The following GPC5 variants were observed in gnomAD, a reference collection of about 807,000 sequenced individuals.
GPC5 encodes the protein glypican-5.
GPC5 carries 47 observed loss-of-function variants against 53.9 expected under a neutral mutation model. That is an observed-to-expected ratio of 0.87 (90% CI 0.69 to 1.11). GPC5 has a LOEUF of 1.11. Ranked by LOEUF, GPC5 falls within the 50% of genes most tolerant of loss-of-function variation. The probability of loss-of-function intolerance (pLI) is 0.00; values close to 1 mark genes in which losing one functional copy is unlikely to be tolerated. For synonymous variants in GPC5, 286 were observed against 263.3 expected, an observed-to-expected ratio of 1.09 and a Z score of -0.84; for missense variants, 748 against 713.1, an observed-to-expected ratio of 1.05 and a Z score of -0.56.
intron 2 of GPC5, among the ~76,000 whole-genome samples, chr13:91,574,577 A>G (rs2032064167): frequency 1.3e-5 from 2 of 152,152 alleles, no homozygotes; most frequent in Non-Finnish European, 2.9e-5. Flanking sequence ...GTCCATTTGT[A>G]TATCAGAAAT....
chr13:92,621,434 T>C (rs1041740262), intron 7 of GPC5, among the ~76,000 whole-genome samples: 10 of 152,194 alleles, frequency 6.6e-5, no homozygotes, highest in Admixed American at 4.6e-4. Flanking sequence ...AATTCAACCA[T>C]ATTTTTTCTG....
chr13:91,660,874 T>TA (rs1185196497), intron 2 of GPC5, among the ~76,000 whole-genome samples: 1 of 152,184 alleles, frequency 6.6e-6, no homozygotes, highest in Non-Finnish European at 1.5e-5. Flanking sequence ...ACCCACTGGC[T>TA]AAAAAAATCT....
At chr13:92,122,926 T>TC (rs1469138611) in intron 6 of GPC5, among the ~76,000 whole-genome samples, 1 of 152,100 alleles carries the variant, frequency 6.6e-6, no homozygotes, top group African/African-American at 2.4e-5. Flanking sequence ...TTACTATTTT[T>TC]CACACTAAAC....
chr13:92,820,905 G>C (rs546529544), intron 7 of GPC5, among the ~76,000 whole-genome samples: 1 of 152,088 alleles, frequency 6.6e-6, no homozygotes, highest in Non-Finnish European at 1.5e-5. Flanking sequence ...TGAGGAGTCT[G>C]AAAAACAGTG....
intron 6 of GPC5, among the ~76,000 whole-genome samples, chr13:92,099,026 A>G (rs1445089747): frequency 6.6e-6 from 1 of 150,544 alleles, no homozygotes; most frequent in Non-Finnish European, 1.5e-5. Flanking sequence ...ACAATCCTGG[A>G]GATCATTCTT....
chr13:91,615,808 A>G (rs910994188), intron 2 of GPC5, among the ~76,000 whole-genome samples: 1 of 152,198 alleles, frequency 6.6e-6, no homozygotes, highest in Non-Finnish European at 1.5e-5. Context: ...AGAAAGAAAT[A>G]TCAATGATAA....
chr13:92,732,369 C>T (rs1415738252), intron 7 of GPC5, among the ~76,000 whole-genome samples: 1 of 151,470 alleles, frequency 6.6e-6, no homozygotes, highest in Non-Finnish European at 1.5e-5. Flanking sequence ...CCTTTGAACA[C>T]CAAATATTTT....
At chr13:92,581,700 C>T (rs2139054195) in intron 7 of GPC5, among the ~76,000 whole-genome samples, 1 of 152,242 alleles carries the variant, frequency 6.6e-6, no homozygotes. Context: ...AAAGTTTCCC[C>T]TTTCTTCACA....
intron 7 of GPC5, among the ~76,000 whole-genome samples, chr13:92,424,389 T>C (rs766338469): frequency 2.0e-5 from 3 of 152,096 alleles, no homozygotes; most frequent in Non-Finnish European, 4.4e-5. Flanking sequence ...ATTTATTAAA[T>C]AGCTATGTAC....
chr13:92,790,319 G>C (rs979976123), intron 7 of GPC5, among the ~76,000 whole-genome samples: 1 of 152,096 alleles, frequency 6.6e-6, no homozygotes, highest in South Asian at 2.1e-4. Flanking sequence ...CAGGTTTCTA[G>C]GAGTCAAAAG....
Position 92,043,173 on chromosome 13 carries a change from G to T in GPC5, c.1402-101657G>T, listed in dbSNP as rs74477579. ...ATACATTTAATGAGCGTTACCAAAA[G>T]GAGAAAATAAAAATAGACAGAAAAA... On this transcript the variant is annotated intron_variant, in intron 6 of 7. Transcript: ENST00000377067. Among the ~76,000 whole-genome samples the T allele has an allele frequency of 3.8e-3, 585 of 152,176 alleles. 4 individuals are homozygous for T. Among genetic ancestry groups the T allele is most frequent in the Admixed American group, 0.013 (194 of 15,276 alleles).
At position 92,617,007 on chromosome 13, in the gene GPC5, G is replaced by A. The variant is rs777281482; in HGVS notation, c.1562-249275G>A. Among the ~76,000 whole-genome samples the A allele has an allele frequency of 1.1e-4, 16 of 151,970 alleles. 1 individual carries two copies. The highest frequency in any genetic ancestry group is 8.3e-4 in the South Asian group (4 of 4,792). On this transcript the variant is annotated intron_variant, in intron 7 of 7. Transcript: ENST00000377067. ...CTGATGTTTCATTATATTAAAAAGCGACCATTACTTCAAATGTTGTGGGAT... is the reference window on the plus strand; with the variant it reads ...CTGATGTTTCATTATATTAAAAAGCAACCATTACTTCAAATGTTGTGGGAT...
intron 6 of GPC5, among the ~76,000 whole-genome samples, chr13:91,975,976 A>T (rs1277907832): frequency 6.6e-6 from 1 of 152,210 alleles, no homozygotes; most frequent in Non-Finnish European, 1.5e-5. Flanking sequence ...TTGTAGGGAC[A>T]TGGATGAAAC....
chr13:92,009,898 A>G (rs1456165632), intron 6 of GPC5, among the ~76,000 whole-genome samples: 1 of 152,144 alleles, frequency 6.6e-6, no homozygotes, highest in African/African-American at 2.4e-5. Context: ...GTTGCTTTCA[A>G]TTTCCACTTA....
intron 5 of GPC5, among the ~76,000 whole-genome samples, chr13:91,892,566 G>A (rs987599407): frequency 6.6e-6 from 1 of 151,414 alleles, no homozygotes; most frequent in African/African-American, 2.4e-5. Context: ...AATTTTTAGT[G>A]AAAGCCTACT....
At chr13:91,911,524 C>T (rs1026902227) in intron 6 of GPC5, among the ~76,000 whole-genome samples, 43 of 152,106 alleles carry the variant, frequency 2.8e-4, no homozygotes, top group African/African-American at 1.0e-3. Context: ...GCCTGGGTGA[C>T]AGAGCTTGAG....
intron 2 of GPC5, among the ~76,000 whole-genome samples, chr13:91,613,976 T>C (rs1275653142): frequency 2.0e-5 from 3 of 152,214 alleles, no homozygotes; most frequent in Admixed American, 1.3e-4. Context: ...GAAGTTGCAA[T>C]GTCAAAAACC....
chr13:91,862,955 C>T (rs1053618219), intron 5 of GPC5, among the ~76,000 whole-genome samples: 6 of 151,404 alleles, frequency 4.0e-5, no homozygotes, highest in Non-Finnish European at 8.8e-5. Context: ...CTTCTCCTTC[C>T]TTTCCTCCTT....
At chr13:92,809,128 T>C (rs1198551866) in intron 7 of GPC5, among the ~76,000 whole-genome samples, 1 of 152,156 alleles carries the variant, frequency 6.6e-6, no homozygotes, top group Non-Finnish European at 1.5e-5. Context: ...ACCTATGAAA[T>C]GTTCAGAAGA....
Sources: allele counts gnomAD v4.1 joint callset (sites outside exome capture counted in the v4.1 genomes callset), GRCh38; gene constraint gnomAD v4.1.1; transcripts MANE v1.5; gene names NCBI Gene and HGNC (gene_info 2026-07-23, HGNC 2026-07-21).